The following GREB1 variants were observed in gnomAD, a reference collection of about 807,000 sequenced individuals.
GREB1 encodes the protein growth regulating estrogen receptor binding 1.
In GREB1, 106 loss-of-function variants were observed where a neutral mutation model predicts 200.7. The observed-to-expected ratio is 0.53, with a 90% CI of 0.45 to 0.62. The LOEUF (loss-of-function observed/expected upper bound fraction) is 0.62. Ranked by LOEUF, GREB1 falls within the 20% of genes least tolerant of loss-of-function variation. GREB1 has a pLI of 0.00. For synonymous variants in GREB1, 1,132 were observed against 1,092.4 expected (o/e 1.04, Z -0.72); for missense variants, 2,243 against 2,556.8 (o/e 0.88, Z 2.65).
At chr2:11,518,686 A>G (rs1673596288) in intron 1 of GREB1, among the ~76,000 whole-genome samples, 1 of 152,072 alleles carries the variant, frequency 6.6e-6, no homozygotes, top group Non-Finnish European at 1.5e-5. Context: ...GTCAATTTGA[A>G]TAGAACTTGG....
chr2:11,639,706 C>A (rs529889265), intron 32 of GREB1, among the ~76,000 whole-genome samples: 1 of 152,320 alleles, frequency 6.6e-6, no homozygotes, highest in South Asian at 2.1e-4. Flanking sequence ...CATCTAAGGC[C>A]TTGGGAAAGA....
intron 2 of GREB1, among the ~76,000 whole-genome samples, chr2:11,560,488 A>T (rs1572702905): frequency 6.6e-6 from 1 of 152,034 alleles, no homozygotes; most frequent in African/African-American, 2.4e-5. Flanking sequence ...ATCACCTGAG[A>T]TCAGGAGTTT....
At chr2:11,569,742 C>T (rs951563913) in intron 4 of GREB1, among the ~76,000 whole-genome samples, 5 of 152,194 alleles carry the variant, frequency 3.3e-5, no homozygotes, top group African/African-American at 1.2e-4. Flanking sequence ...GTTTGAACCC[C>T]GAGGGTCTGG....
intron 1 of GREB1, among the ~76,000 whole-genome samples, chr2:11,545,122 G>A (rs1479369068): frequency 6.6e-6 from 1 of 151,444 alleles, no homozygotes. Context: ...CCTGCTCTCG[G>A]TTTTCTTTGT....
intron 1 of GREB1, among the ~76,000 whole-genome samples, chr2:11,515,137 C>T (rs28754333): frequency 5.4e-5 from 5 of 91,864 alleles, no homozygotes; most frequent in South Asian, 3.4e-4. Flanking sequence ...CATCCATCCA[C>T]CCACCCCCCA....
chr2:11,537,473 G>T (rs1674346002), intron 1 of GREB1, among the ~76,000 whole-genome samples: 2 of 151,870 alleles, frequency 1.3e-5, no homozygotes, highest in South Asian at 4.2e-4. Context: ...TGGGGAAACT[G>T]AGGCACATAA....
At chr2:11,486,605 C>T (rs551447133) in intron 1 of GREB1, among the ~76,000 whole-genome samples, 115 of 152,086 alleles carry the variant, frequency 7.6e-4, no homozygotes, top group Non-Finnish European at 1.3e-3. Context: ...ATAGTCCCAA[C>T]GCCTATAATC....
At chr2:11,615,930 G>T (rs1683361445) in intron 20 of GREB1, among the ~76,000 whole-genome samples, 2 of 152,236 alleles carry the variant, frequency 1.3e-5, no homozygotes, top group Admixed American at 6.5e-5. Flanking sequence ...TCTGTGGTCT[G>T]CCTTGTCTGT....
In GREB1 at chr2:11,634,329, C is replaced by T. The variant is rs368127534; in HGVS notation, c.5190C>T (p.Asn1730=). ...FIILNVDLTQ[N]VQYNQNRFLC... ...TCCTGAACGTGGACCTGACCCAGAA[C>T]GTGCAGTACAACCAGAACCGGTGAG... Residue 1730 remains asparagine, a synonymous_variant, in exon 29 of 33, where the codon AAC becomes AAT. Transcript: ENST00000381486. The T allele has an allele frequency of 8.7e-6, 14 of 1,613,906 alleles. No homozygotes were observed. Among genetic ancestry groups the T allele is most frequent in the African/African-American group, 8.0e-5 (6 of 75,042 alleles).
At position 11,612,531 on chromosome 2, in the gene GREB1, C is replaced by T; in HGVS notation, c.3043C>T (p.Gln1015Ter). The T allele has an allele frequency of 2.5e-6, 4 of 1,613,008 alleles. No homozygotes were observed. The highest frequency in any genetic ancestry group is 3.4e-6 in the Non-Finnish European group (4 of 1,179,598). ...AATTGAGGATGTGGAGTGGAGACCCCAGACTTACTTGGAGCTGGAGGGTCT... is the reference window on the plus strand; with the variant it reads ...AATTGAGGATGTGGAGTGGAGACCCTAGACTTACTTGGAGCTGGAGGGTCT... The part of the protein sequence containing the change: ...QKIEDVEWRP[Q>*]TYLELEGLPC... The change falls in exon 19 of 33, where the codon CAG becomes TAG. Residue 1015 changes from glutamine to a stop codon, truncating the protein, a stop_gained. Transcript: ENST00000381486. LOFTEE classifies it high-confidence loss of function.
intron 11 of GREB1, among the ~76,000 whole-genome samples, chr2:11,594,860 A>AT (rs750159280): frequency 1.8e-4 from 28 of 151,708 alleles, no homozygotes; most frequent in Non-Finnish European, 5.9e-5. Flanking sequence ...CACCCGGCTA[A>AT]TTTTTTTGTA....
intron 1 of GREB1, among the ~76,000 whole-genome samples, chr2:11,488,203 G>A (rs896060825): frequency 2.6e-5 from 4 of 152,100 alleles, no homozygotes; most frequent in African/African-American, 7.2e-5. Context: ...TCGGAAACTC[G>A]GGGGGTGGTG....
intron 3 of GREB1, 56 bp downstream of exon 3, chr2:11,562,638 TGGCCA>T: frequency 6.6e-7 from 1 of 1,514,118 alleles, no homozygotes. Context: ...CCGGAGGCAG[TGGCCA>T]GGCGGGTGAC....
chr2:11,515,725 A>G (rs1156291299), intron 1 of GREB1, among the ~76,000 whole-genome samples: 2 of 152,224 alleles, frequency 1.3e-5, no homozygotes, highest in Non-Finnish European at 2.9e-5. Flanking sequence ...GTGATCCTTC[A>G]TCAGCCCCTC....
intron 15 of GREB1, among the ~76,000 whole-genome samples, chr2:11,599,613 C>T (rs1231682696): frequency 1.3e-5 from 2 of 151,580 alleles, no homozygotes; most frequent in African/African-American, 2.4e-5. Flanking sequence ...CTCTGCCTCC[C>T]GGGTTCACAC....
At chr2:11,566,420 C>A in intron 3 of GREB1, 60 bp from the exon 4 acceptor site, 1 of 1,516,660 alleles carries the variant, frequency 6.6e-7, no homozygotes, top group Non-Finnish European at 8.9e-7. Context: ...TCCCTTTGCC[C>A]CTGTGACCCC....
intron 18 of GREB1, among the ~76,000 whole-genome samples, chr2:11,611,702 C>T (rs1322056661): frequency 1.3e-5 from 2 of 152,208 alleles, no homozygotes; most frequent in Non-Finnish European, 2.9e-5. Context: ...TGTCATCTAG[C>T]CCCTCTCCCA....
chr2:11,598,651 G>C, intron 14 of GREB1, 29 bp from the exon 15 acceptor site: 1 of 1,607,334 alleles, frequency 6.2e-7, no homozygotes, highest in Non-Finnish European at 8.5e-7. Flanking sequence ...CATGTTTGCA[G>C]TTACTGATGT....
rs1053477533 is a variant in GREB1 at position 11,640,668 on chromosome 2, C to G, written c.*214C>G. 1 of 566,428 alleles carries G rather than the reference C, an allele frequency of 1.8e-6. No individual in the cohort carries two copies. 35.1% of individuals were successfully genotyped at this position (566,428 alleles called of 1,614,324 possible). On this transcript the variant is annotated 3_prime_UTR_variant, in exon 33 of 33. Coordinates refer to ENST00000381486, the MANE Select transcript of GREB1 (RefSeq NM_014668.4). This position sits in a 1 kb window ranked among gnomAD's most constrained non-coding sequence, Gnocchi z 4.6. ...GGTGAGAATGAAAACTTGAGACTCCCAAGTTCTGGGCCAGCCCATTGCTCT... is the reference window on the plus strand; with the variant it reads ...GGTGAGAATGAAAACTTGAGACTCCGAAGTTCTGGGCCAGCCCATTGCTCT...
Sources: gnomAD v4.1 joint callset for allele counts (sites outside exome capture counted in the v4.1 genomes callset) on GRCh38, gnomAD v4.1.1 for gene constraint, Gnocchi (gnomAD v3.1) non-coding constraint, MANE v1.5 for transcripts, NCBI Gene and HGNC (gene_info 2026-07-23, HGNC 2026-07-21) for gene names.